The following NALF2 variants were observed in gnomAD, a reference collection of about 807,000 sequenced individuals.
NALF2 encodes the protein bB57D9.1 (TED protein).
A neutral mutation model predicts 24.8 loss-of-function variants in NALF2; 1 was observed. That is an observed-to-expected ratio of 0.04 (90% CI 0.01 to 0.19). The LOEUF (loss-of-function observed/expected upper bound fraction) is 0.19. Among genes scored for constraint, NALF2 ranks in the 10% least tolerant of loss-of-function variants. The probability of loss-of-function intolerance (pLI) is 1.00; values close to 1 mark genes in which losing one functional copy is unlikely to be tolerated. For missense variants in NALF2, 458 were observed against 409.6 expected (o/e 1.12, Z -1.02); for synonymous variants, 254 against 189.8 (o/e 1.34, Z -2.78).
intron 1 of NALF2, among the ~76,000 whole-genome samples, chrX:69,514,827 T>C (rs910111441): frequency 4.5e-5 from 5 of 112,341 alleles, no homozygotes; most frequent in Non-Finnish European, 9.4e-5. Flanking sequence ...TGTGACTATA[T>C]ATTTTTACAT....
chrX:69,515,315 AC>A (rs1930647350), intron 1 of NALF2, among the ~76,000 whole-genome samples: 1 of 112,451 alleles, frequency 8.9e-6, no homozygotes, highest in African/African-American at 3.2e-5. Flanking sequence ...ACGTCTACAC[AC>A]AAAATGACTT....
chrX:69,520,548 C>T (rs1007904608), intron 1 of NALF2, among the ~76,000 whole-genome samples: 16 of 111,664 alleles, frequency 1.4e-4, no homozygotes, highest in Non-Finnish European at 7.5e-5. Flanking sequence ...GGCTTCCAAG[C>T]CTTTATGCAG....
intron 1 of NALF2, among the ~76,000 whole-genome samples, chrX:69,511,859 C>T (rs1930589182): frequency 8.9e-6 from 1 of 111,976 alleles, no homozygotes; most frequent in African/African-American, 3.2e-5. Flanking sequence ...GCATGTTGGT[C>T]CCCTCTGGAT....
intron 1 of NALF2, among the ~76,000 whole-genome samples, chrX:69,511,601 A>G (rs957630874): frequency 8.9e-6 from 1 of 111,741 alleles, no homozygotes; most frequent in African/African-American, 3.3e-5. Context: ...TACAGTCACC[A>G]TAGCAACGGG....
intron 1 of NALF2, among the ~76,000 whole-genome samples, chrX:69,517,777 C>G (rs1930682378): frequency 8.9e-6 from 1 of 111,814 alleles, no homozygotes; most frequent in Non-Finnish European, 1.9e-5. Flanking sequence ...ACTCCAAAGC[C>G]CTTGATTTAC....
At chrX:69,523,547 G>T (rs930420410) in intron 1 of NALF2, among the ~76,000 whole-genome samples, 2 of 111,667 alleles carry the variant, frequency 1.8e-5, no homozygotes, top group Non-Finnish European at 3.8e-5. Flanking sequence ...TTCCTTTTTG[G>T]GTTAATTGGT....
intron 1 of NALF2, among the ~76,000 whole-genome samples, chrX:69,519,898 A>G (rs1930711072): frequency 8.9e-6 from 1 of 112,300 alleles, no homozygotes; most frequent in African/African-American, 3.2e-5. Context: ...TGCTCTCACC[A>G]TAATGAGACT....
Sources: gnomAD v4.1 joint callset for allele counts (sites outside exome capture counted in the v4.1 genomes callset) on GRCh38, gnomAD v4.1.1 for gene constraint, MANE v1.5 for transcripts, NCBI Gene and HGNC (gene_info 2026-07-23, HGNC 2026-07-21) for gene names.